The following PPP2R1A variants were observed in gnomAD, a reference collection of about 807,000 sequenced individuals.
The protein encoded by PPP2R1A is serine/threonine-protein phosphatase 2A 65 kDa regulatory subunit A alpha isoform.
PPP2R1A carries 15 observed loss-of-function variants against 67.1 expected under a neutral mutation model. That is an observed-to-expected ratio of 0.22 (90% CI 0.15 to 0.34). The LOEUF is 0.34. PPP2R1A is among the 10% of genes least tolerant of loss of function. The pLI is 1.00. For missense variants in PPP2R1A, 369 were observed against 775.0 expected (o/e 0.48, Z 6.22); for synonymous variants, 337 against 325.0 (o/e 1.04, Z -0.40).
chr19:52,217,042 T>C (rs975577935), intron 9 of PPP2R1A, among the ~76,000 whole-genome samples: 44 of 151,992 alleles, frequency 2.9e-4, no homozygotes, highest in Admixed American at 6.6e-4. Flanking sequence ...ATGCAAAAAT[T>C]AGCCAGGCAT....
In PPP2R1A at chr19:52,219,503, A is replaced by G. The variant is rs113236521; in HGVS notation, c.1129-188A>G. 6.7e-3 allele frequency among the ~76,000 whole-genome samples: 1,020 copies of G among 152,322 alleles called. 13 individuals carry two copies. Among genetic ancestry groups the G allele is most frequent in the African/African-American group, 0.023 (970 of 41,564 alleles). ...TATTGTAAGGTTTAAAAATCTGCTTAAGTTAGTGATCCATGCTGCTTGCTT... is the reference window on the plus strand; with the variant it reads ...TATTGTAAGGTTTAAAAATCTGCTTGAGTTAGTGATCCATGCTGCTTGCTT... On this transcript the variant is annotated intron_variant, in intron 9 of 14. Transcript: ENST00000322088. This position sits in a 1 kb window ranked among gnomAD's most constrained non-coding sequence, Gnocchi z 4.0.
intron 6 of PPP2R1A, among the ~76,000 whole-genome samples, chr19:52,214,288 G>T (rs1259562275): frequency 6.6e-6 from 1 of 152,112 alleles, no homozygotes; most frequent in Non-Finnish European, 1.5e-5. Flanking sequence ...GATCAGAGAG[G>T]CCTTGAGTGC....
Position 52,228,707 on chromosome 19 carries a change from T to C in PPP2R1A, c.*2726T>C, listed in dbSNP as rs1182871571. 1.3e-5 allele frequency: 2 copies of C among 152,204 alleles called. No homozygotes were observed. The highest frequency in any genetic ancestry group is 3.9e-4 in the East Asian group (2 of 5,178). 9.4% of individuals were successfully genotyped at this position (152,204 alleles called of 1,614,324 possible). On this transcript the variant is annotated 3_prime_UTR_variant, in exon 15 of 15. Transcript: ENST00000322088. Reference sequence around the variant, plus strand: ...TAAATCCCAGCAGTCACACTGGCCATCTCTAATGGTTCCTTCCACAGCACT... The same window carrying C: ...TAAATCCCAGCAGTCACACTGGCCACCTCTAATGGTTCCTTCCACAGCACT...
intron 6 of PPP2R1A, among the ~76,000 whole-genome samples, 183 bp from the exon 7 acceptor site, chr19:52,215,596 G>A (rs1361155339): frequency 2.0e-5 from 3 of 152,168 alleles, no homozygotes; most frequent in Non-Finnish European, 4.4e-5. Context: ...AGCAAAAGAG[G>A]CTCAGCGAGG....
chr19:52,215,096 C>T (rs1031687873), intron 6 of PPP2R1A, among the ~76,000 whole-genome samples: 9 of 152,154 alleles, frequency 5.9e-5, no homozygotes, highest in Admixed American at 5.2e-4. Flanking sequence ...CACACCATCA[C>T]CCAGGCTGGA....
rs1180187736 is a variant in PPP2R1A at position 52,222,149 on chromosome 19, C to A, written c.1569C>A (p.Pro523=). The change falls in exon 13 of 15, where the codon CCC becomes CCA. Residue 523 remains proline, a synonymous_variant. Coordinates refer to ENST00000322088, the MANE Select transcript of PPP2R1A (RefSeq NM_014225.6). The part of the protein sequence containing the change: ...GQDITTKHML[P]TVLRMAGDPV... ...ACATCACCACCAAGCACATGCTACCCACGGTTCTGCGCATGGCTGGGGACC... is the reference window on the plus strand; with the variant it reads ...ACATCACCACCAAGCACATGCTACCAACGGTTCTGCGCATGGCTGGGGACC... 1 of 1,614,142 alleles carries A rather than the reference C, an allele frequency of 6.2e-7. No homozygotes were observed. The highest frequency in any genetic ancestry group is 2.2e-5 in the East Asian group (1 of 44,868).
chr19:52,197,510 A>G (rs1405361091), intron 1 of PPP2R1A, among the ~76,000 whole-genome samples: 1 of 152,114 alleles, frequency 6.6e-6, no homozygotes, highest in East Asian at 1.9e-4. Context: ...CCTCATCCCT[A>G]CAAAAAGTTA....
At position 52,211,328 on chromosome 19, in the gene PPP2R1A, G is replaced by A. The variant is rs2089667773; in HGVS notation, c.339G>A (p.Arg113=). The change falls in exon 4 of 15, where the codon CGG becomes CGA. Residue 113 remains arginine, a synonymous_variant. Transcript: ENST00000322088. The surrounding 1 kb of genome is among the most constrained non-coding windows in gnomAD (Gnocchi z 5.3). ...VVRDKAVESL[R]AISHEHSPSD... ...GGGACAAGGCAGTGGAGTCCTTACG[G>A]GCCATCTCACACGAGCACTCGCCCT... 6.2e-7 allele frequency: 1 copy of A among 1,613,808 alleles called. No homozygotes were observed. Among genetic ancestry groups the A allele is most frequent in the South Asian group, 1.1e-5 (1 of 91,086 alleles).
chr19:52,220,956 C>T lies in PPP2R1A; in HGVS notation c.1364-23C>T, dbSNP rs757423669. On this transcript the variant is annotated intron_variant, in intron 11 of 14. Transcript: ENST00000322088. ...GTTCTTCACCTCCAAATCCCTGTCT[C>T]TCTCACCCTCACCCTTCTGCAGTAT... is the stretch of plus-strand genomic sequence containing the variant. 2.5e-6 allele frequency: 4 copies of T among 1,613,384 alleles called. No homozygotes were observed. In the African/African-American group the frequency reaches 5.3e-5, roughly 22 times the overall value.
At chr19:52,217,880 T>C (rs1978679312) in intron 9 of PPP2R1A, among the ~76,000 whole-genome samples, 1 of 151,908 alleles carries the variant, frequency 6.6e-6, no homozygotes, top group African/African-American at 2.4e-5. Flanking sequence ...TGGACTTGAC[T>C]GTGGGCAAGC....
Position 52,190,224 on chromosome 19 carries a change from G to A in PPP2R1A, c.78+50G>A, listed in dbSNP as rs1363483135. 8 of 1,532,498 alleles carry A rather than the reference G, an allele frequency of 5.2e-6. No homozygotes were observed. The Admixed American group carries it at 1.4e-4, about 27-fold the overall frequency. 94.9% of individuals were successfully genotyped at this position (1,532,498 alleles called of 1,614,324 possible). A position where few individuals can be genotyped will look rare whatever the true frequency, so the allele number is the denominator to read the frequency against. On this transcript the variant is annotated intron_variant, in intron 1 of 14. Coordinates refer to ENST00000322088, the MANE Select transcript of PPP2R1A (RefSeq NM_014225.6). ...GGAAGACGCGGAGGGGTACCTGGGG[G>A]CACGGGCGGCCCTCGCGGAGAAGAC... is the stretch of plus-strand genomic sequence containing the variant.
chr19:52,213,463 T>G lies in PPP2R1A; in HGVS notation c.807+353T>G, dbSNP rs1189523085. Among the ~76,000 whole-genome samples, 10 of 106,576 alleles carry G rather than the reference T, an allele frequency of 9.4e-5. No homozygotes were observed. The highest frequency in any genetic ancestry group is 4.1e-4 in the African/African-American group (9 of 22,120). 69.9% of individuals were successfully genotyped at this position (106,576 alleles called of 152,430 possible). ...AAAGGTGGGGTTTTTTGGTGTTTTT[T>G]TTTTTTTTTTTTTTTTTTTTTTTTA... On this transcript the variant is annotated intron_variant, in intron 6 of 14. Coordinates refer to ENST00000322088, the MANE Select transcript of PPP2R1A (RefSeq NM_014225.6). This position sits in a 1 kb window ranked among gnomAD's most constrained non-coding sequence, Gnocchi z 4.2.
chr19:52,203,266 G>A (rs10401502), intron 2 of PPP2R1A, among the ~76,000 whole-genome samples: 2,146 of 152,302 alleles, frequency 0.014, 52 homozygotes, highest in African/African-American at 0.05. Flanking sequence ...ACTGGATGGT[G>A]CATGAAGAGT....
At chr19:52,220,484 G>A (rs924864480) in intron 11 of PPP2R1A, among the ~76,000 whole-genome samples, 1 of 152,144 alleles carries the variant, frequency 6.6e-6, no homozygotes, top group Non-Finnish European at 1.5e-5. Context: ...GGGCCACTGA[G>A]CAGCCAGACC....
At chr19:52,203,414 A>G (rs1020662970) in intron 2 of PPP2R1A, among the ~76,000 whole-genome samples, 1 of 152,208 alleles carries the variant, frequency 6.6e-6, no homozygotes, top group African/African-American at 2.4e-5. Context: ...TGTAGAGGAA[A>G]AATGTTGGAC....
rs1251213420 is a variant in PPP2R1A, at chr19:52,227,646, A to G, written c.*1665A>G. 1 of 152,162 alleles carries G rather than the reference A, an allele frequency of 6.6e-6. No homozygotes were observed. Among genetic ancestry groups the G allele is most frequent in the African/African-American group, 2.4e-5 (1 of 41,412 alleles). 9.4% of individuals were successfully genotyped at this position (152,162 alleles called of 1,614,324 possible). A position where few individuals can be genotyped will look rare whatever the true frequency, so the allele number is the denominator to read the frequency against. ...AGTGACAAGGTGATTTCACCAGCTC[A>G]GCCTTCATATTACCACATCCCTACC... On this transcript the variant is annotated 3_prime_UTR_variant, in exon 15 of 15. Coordinates refer to ENST00000322088, the MANE Select transcript of PPP2R1A (RefSeq NM_014225.6).
chr19:52,193,706 A>T (rs2089473971), intron 1 of PPP2R1A, among the ~76,000 whole-genome samples: 1 of 151,906 alleles, frequency 6.6e-6, no homozygotes, highest in Non-Finnish European at 1.5e-5. Flanking sequence ...AGTGGCTAGG[A>T]TTAGAGGCGC....
chr19:52,203,670 C>T (rs1303381417), intron 2 of PPP2R1A, among the ~76,000 whole-genome samples: 1 of 152,144 alleles, frequency 6.6e-6, no homozygotes, highest in Non-Finnish European at 1.5e-5. Context: ...CAGTGGACAG[C>T]AGCTGGTTGT....
chr19:52,209,345 A>G (rs746414537), intron 3 of PPP2R1A, among the ~76,000 whole-genome samples: 5 of 152,136 alleles, frequency 3.3e-5, no homozygotes, highest in Admixed American at 1.3e-4. Flanking sequence ...CACCGCACCT[A>G]TGGTCACACT....
Sources: allele counts gnomAD v4.1 joint callset (sites outside exome capture counted in the v4.1 genomes callset), GRCh38; gene constraint gnomAD v4.1.1; non-coding constraint Gnocchi (gnomAD v3.1); transcripts MANE v1.5; gene names NCBI Gene and HGNC (gene_info 2026-07-23, HGNC 2026-07-21).